GRIN2A: variants seen among roughly 807,000 people sequenced by gnomAD.
The protein encoded by GRIN2A is glutamate receptor ionotropic, NMDA 2A.
In GRIN2A, 22 loss-of-function variants were observed where a neutral mutation model predicts 113.4. That is an observed-to-expected ratio of 0.19 (90% CI 0.14 to 0.28). The LOEUF is 0.28. Among genes scored for constraint, GRIN2A ranks in the 10% least tolerant of loss-of-function variants. The probability of loss-of-function intolerance (pLI) is 1.00; values close to 1 mark genes in which losing one functional copy is unlikely to be tolerated. For synonymous variants in GRIN2A, 827 were observed against 738.4 expected, an observed-to-expected ratio of 1.12 and a Z score of -1.94; for missense variants, 1,502 against 1,887.0, an observed-to-expected ratio of 0.80 and a Z score of 3.78.
Position 9,763,878 on chromosome 16 carries a change from G to C in GRIN2A, c.3666C>G (p.Pro1222=), listed in dbSNP as rs774379307. Residue 1222 remains proline, a synonymous_variant, in exon 13 of 13, where the codon CCC becomes CCG. Transcript: ENST00000330684. ...THCRSCLSNM[P]TYSGHFTMRS... ...TCATGGTGAAGTGGCCTGAATAGGTGGGCATGTTGGAAAGGCAGCTTCTGC... is the reference window on the plus strand; with the variant it reads ...TCATGGTGAAGTGGCCTGAATAGGTCGGCATGTTGGAAAGGCAGCTTCTGC... The C allele has an allele frequency of 6.2e-7, 1 of 1,614,114 alleles. No individual in the cohort carries two copies. The highest frequency in any genetic ancestry group is 8.5e-7 in the Non-Finnish European group (1 of 1,180,022).
chr16:10,107,462 G>A (rs1466966319), intron 2 of GRIN2A, among the ~76,000 whole-genome samples: 2 of 152,188 alleles, frequency 1.3e-5, no homozygotes. Context: ...GTACTTACAG[G>A]ATCCTGCTGG....
At chr16:9,973,755 A>G (rs1019124199) in intron 2 of GRIN2A, among the ~76,000 whole-genome samples, 2 of 152,194 alleles carry the variant, frequency 1.3e-5, no homozygotes, top group African/African-American at 4.8e-5. Context: ...AGTCCAGAAG[A>G]CAGTGGAATA....
At chr16:10,114,630 A>G (rs1042699650) in intron 2 of GRIN2A, among the ~76,000 whole-genome samples, 6 of 152,210 alleles carry the variant, frequency 3.9e-5, no homozygotes, top group Non-Finnish European at 5.9e-5. Context: ...CCACTCAACC[A>G]AAATAAGAGT....
intron 3 of GRIN2A, among the ~76,000 whole-genome samples, chr16:9,910,616 C>A (rs1402205422): frequency 6.7e-6 from 1 of 148,446 alleles, no homozygotes; most frequent in African/African-American, 2.5e-5. Flanking sequence ...CGGCTCACTG[C>A]AACCTCTGCC....
At chr16:10,160,906 AG>A (rs1443683188) in intron 2 of GRIN2A, among the ~76,000 whole-genome samples, 2 of 152,304 alleles carry the variant, frequency 1.3e-5, no homozygotes, top group African/African-American at 4.8e-5. Flanking sequence ...TCGTGGAGCC[AG>A]GTTTTGGGGT....
At chr16:10,004,703 C>T (rs146039490) in intron 2 of GRIN2A, among the ~76,000 whole-genome samples, 1 of 152,134 alleles carries the variant, frequency 6.6e-6, no homozygotes, top group Non-Finnish European at 1.5e-5. Flanking sequence ...CTGTCATCTT[C>T]CCTGGTAGTA....
chr16:9,819,491 C>A (rs538940327), intron 10 of GRIN2A, among the ~76,000 whole-genome samples: 1 of 149,718 alleles, frequency 6.7e-6, no homozygotes, highest in South Asian at 2.1e-4. Context: ...TACTGTACTC[C>A]AACCTGGGTG....
chr16:9,990,473 T>C (rs1187910964), intron 2 of GRIN2A, among the ~76,000 whole-genome samples: 2 of 151,720 alleles, frequency 1.3e-5, no homozygotes, highest in African/African-American at 4.8e-5. Context: ...CATTAGAGGC[T>C]CAAACTTCAG....
At chr16:9,909,668 C>G (rs892436319) in intron 3 of GRIN2A, among the ~76,000 whole-genome samples, 2 of 152,176 alleles carry the variant, frequency 1.3e-5, no homozygotes, top group African/African-American at 4.8e-5. Context: ...AGGCTGTTTT[C>G]TGAAATGCCT....
chr16:9,913,123 A>C (rs1381753888), intron 3 of GRIN2A, among the ~76,000 whole-genome samples: 2 of 152,182 alleles, frequency 1.3e-5, no homozygotes, highest in African/African-American at 4.8e-5. Flanking sequence ...CCTTTCACTG[A>C]ACCACAGTTA....
rs139599958 is a variant in GRIN2A at position 10,028,963 on chromosome 16, G to C, written c.415-90412C>G. 5.2e-3 allele frequency among the ~76,000 whole-genome samples: 789 copies of C among 152,268 alleles called. 5 individuals carry two copies. Among genetic ancestry groups the C allele is most frequent in the African/African-American group, 0.018 (737 of 41,540 alleles). ...TTTGCAGGAATTATTTGTTATTATA[G>C]CTAATGTTAATCAAGTAATATAGGA... On this transcript the variant is annotated intron_variant, in intron 2 of 12. Transcript: ENST00000330684.
intron 2 of GRIN2A, among the ~76,000 whole-genome samples, chr16:9,987,227 G>A (rs577175401): frequency 2.6e-5 from 4 of 152,136 alleles, no homozygotes; most frequent in Non-Finnish European, 5.9e-5. Context: ...CCCTAACATG[G>A]CCCAGACCTC....
chr16:9,871,745 G>A (rs1363842065), intron 4 of GRIN2A, among the ~76,000 whole-genome samples: 4 of 152,124 alleles, frequency 2.6e-5, no homozygotes, highest in African/African-American at 9.7e-5. Flanking sequence ...GGTTGGCTCA[G>A]GACCTGTGAT....
At chr16:9,962,316 T>C (rs1001777035) in intron 2 of GRIN2A, among the ~76,000 whole-genome samples, 11 of 151,640 alleles carry the variant, frequency 7.3e-5, no homozygotes, top group Non-Finnish European at 1.2e-4. Context: ...ACCATCAGAG[T>C]GAACAGGCAA....
intron 2 of GRIN2A, among the ~76,000 whole-genome samples, chr16:9,956,118 T>C (rs1478195649): frequency 6.6e-6 from 1 of 152,212 alleles, no homozygotes; most frequent in Non-Finnish European, 1.5e-5. Context: ...ACACTGTGAT[T>C]TGTGACAGGT....
At chr16:10,142,775 C>T (rs1020871350) in intron 2 of GRIN2A, among the ~76,000 whole-genome samples, 27 of 152,218 alleles carry the variant, frequency 1.8e-4, no homozygotes, top group African/African-American at 6.0e-4. Flanking sequence ...TCTCAAGTCC[C>T]TGTCTCTGAA....
chr16:9,830,464 C>A (rs2042470989), intron 8 of GRIN2A, among the ~76,000 whole-genome samples: 1 of 121,926 alleles, frequency 8.2e-6, no homozygotes, highest in African/African-American at 3.2e-5. Context: ...GTTTTCAAGT[C>A]TTTGTTCTGC....
intron 2 of GRIN2A, among the ~76,000 whole-genome samples, chr16:9,948,076 C>T (rs551162250): frequency 1.3e-5 from 2 of 152,150 alleles, no homozygotes; most frequent in Admixed American, 6.5e-5. Context: ...GCTCTTATCG[C>T]GTGCCAAGCA....
chr16:10,103,969 G>A (rs1265344207), intron 2 of GRIN2A, among the ~76,000 whole-genome samples: 1 of 152,184 alleles, frequency 6.6e-6, no homozygotes, highest in Non-Finnish European at 1.5e-5. Context: ...ACCACTTCCA[G>A]CAGCCTGTAC....
Sources: allele counts gnomAD v4.1 joint callset (sites outside exome capture counted in the v4.1 genomes callset), GRCh38; gene constraint gnomAD v4.1.1; transcripts MANE v1.5; gene names NCBI Gene and HGNC (gene_info 2026-07-23, HGNC 2026-07-21).